Variants in SYT16 observed in about 807,000 individuals in gnomAD.
The protein encoded by SYT16 is synaptotagmin-16.
In SYT16, 42 loss-of-function variants were observed where a neutral mutation model predicts 61.4. The observed-to-expected ratio is 0.68, with a 90% CI of 0.53 to 0.89. The LOEUF is 0.89. Among genes scored for constraint, SYT16 ranks in the 40% least tolerant of loss-of-function variants. The pLI is 0.00. For missense variants in SYT16, 804 were observed against 807.3 expected (o/e 1.00, Z 0.05); for synonymous variants, 314 against 302.3 (o/e 1.04, Z -0.40).
chr14:62,041,011 CT>C (rs1202594052), intron 3 of SYT16, among the ~76,000 whole-genome samples: 1 of 152,142 alleles, frequency 6.6e-6, no homozygotes, highest in Non-Finnish European at 1.5e-5. Flanking sequence ...CGTCTGCAAG[CT>C]GAGGAGAAAG....
intron 1 of SYT16, among the ~76,000 whole-genome samples, chr14:61,845,583 CT>C (rs1192679260): frequency 6.6e-6 from 1 of 152,126 alleles, no homozygotes; most frequent in Admixed American, 6.6e-5. Context: ...GATCTTCTCT[CT>C]TTTTTCTTAG....
Position 61,877,587 on chromosome 14 carries a change from C to T in SYT16, c.-325+64777C>T, listed in dbSNP as rs193103586. On this transcript the variant is annotated intron_variant, in intron 1 of 7. Transcript: ENST00000683842. ...CTTAAAAGTCAGTCCCATTTTTCTCCTTAGCCCCTGCTAAAGAGTGCTGGA... is the reference window on the plus strand; with the variant it reads ...CTTAAAAGTCAGTCCCATTTTTCTCTTTAGCCCCTGCTAAAGAGTGCTGGA... 1.1e-3 allele frequency among the ~76,000 whole-genome samples: 166 copies of T among 152,272 alleles called. 1 individual carries two copies. The highest frequency in any genetic ancestry group is 3.7e-3 in the African/African-American group (153 of 41,564).
At chr14:61,952,909 A>AT (rs2050728595) in intron 1 of SYT16, among the ~76,000 whole-genome samples, 1 of 152,152 alleles carries the variant, frequency 6.6e-6, no homozygotes, top group Admixed American at 6.5e-5. Flanking sequence ...TTAAATATAT[A>AT]TTTTTTATAT....
At chr14:61,888,322 T>C (rs1020416929) in intron 1 of SYT16, among the ~76,000 whole-genome samples, 2 of 152,120 alleles carry the variant, frequency 1.3e-5, no homozygotes, top group African/African-American at 4.8e-5. Context: ...TTTGCCATAT[T>C]GGCCAGGCTG....
intron 1 of SYT16, among the ~76,000 whole-genome samples, chr14:61,862,255 G>A (rs79655868): frequency 6.6e-6 from 1 of 152,020 alleles, no homozygotes; most frequent in African/African-American, 2.4e-5. Flanking sequence ...TTCCCTTGTC[G>A]CCCATTGCAG....
intron 1 of SYT16, among the ~76,000 whole-genome samples, chr14:61,941,966 A>T (rs930857759): frequency 1.3e-5 from 2 of 152,244 alleles, no homozygotes; most frequent in African/African-American, 4.8e-5. Flanking sequence ...ATATATAAAA[A>T]AATATTACTC....
At chr14:61,864,769 C>A in intron 1 of SYT16, 2 of 939,008 alleles carry the variant, frequency 2.1e-6, no homozygotes, top group Non-Finnish European at 3.3e-6. Flanking sequence ...ATGTGGCTGG[C>A]CGGTTGGGCC....
intron 1 of SYT16, among the ~76,000 whole-genome samples, chr14:61,955,570 A>G (rs1246754862): frequency 6.6e-6 from 1 of 151,974 alleles, no homozygotes; most frequent in African/African-American, 2.4e-5. Context: ...GTCTTATTTT[A>G]CTTAGCATAA....
intron 1 of SYT16, among the ~76,000 whole-genome samples, chr14:61,865,569 G>T (rs982721674): frequency 3.3e-5 from 5 of 152,148 alleles, no homozygotes; most frequent in Non-Finnish European, 7.4e-5. Context: ...ATAGTCTGAT[G>T]GGAAAGATGT....
chr14:61,926,856 A>G (rs1007389177), intron 1 of SYT16, among the ~76,000 whole-genome samples: 6 of 152,180 alleles, frequency 3.9e-5, no homozygotes, highest in Non-Finnish European at 7.3e-5. Context: ...AGCTCCAGAG[A>G]TAAAAACTAC....
Position 61,909,814 on chromosome 14 carries a change from G to A in SYT16, c.-324-60318G>A, listed in dbSNP as rs541978337. 1.6e-4 allele frequency among the ~76,000 whole-genome samples: 25 copies of A among 152,280 alleles called. No individual in the cohort carries two copies. The East Asian group carries it at 4.6e-3, about 28-fold the overall frequency. ...TTTTCTTTACCAGAATATTTGTGGA[G>A]CCTTTAATCAAGAATGGCTATGGCA... On this transcript the variant is annotated intron_variant, in intron 1 of 7. Coordinates refer to ENST00000683842, the MANE Select transcript of SYT16 (RefSeq NM_001367656.1).
chr14:62,038,164 T>G (rs1490515992), intron 3 of SYT16, among the ~76,000 whole-genome samples: 2 of 151,644 alleles, frequency 1.3e-5, no homozygotes, highest in African/African-American at 4.8e-5. Flanking sequence ...TAGTTTCGCT[T>G]GCAGGCATCT....
At chr14:61,847,790 G>A (rs1311754642) in intron 1 of SYT16, among the ~76,000 whole-genome samples, 2 of 152,178 alleles carry the variant, frequency 1.3e-5, no homozygotes, top group South Asian at 2.1e-4. Flanking sequence ...CAAATAGCCT[G>A]TCTTCAAGCT....
intron 1 of SYT16, among the ~76,000 whole-genome samples, chr14:61,890,893 C>T (rs1003242745): frequency 6.6e-6 from 1 of 151,968 alleles, no homozygotes; most frequent in African/African-American, 2.4e-5. Context: ...GACTTTGTTC[C>T]CAGATGTCAT....
chr14:61,901,759 A>G (rs150163489), intron 1 of SYT16, among the ~76,000 whole-genome samples: 1 of 135,130 alleles, frequency 7.4e-6, no homozygotes, highest in South Asian at 2.2e-4. Context: ...TAATAATAAT[A>G]ATAATTATTA....
intron 3 of SYT16, among the ~76,000 whole-genome samples, chr14:62,060,685 T>G (rs1286690120): frequency 1.3e-5 from 2 of 152,032 alleles, no homozygotes; most frequent in Non-Finnish European, 2.9e-5. Flanking sequence ...GGTCATAATA[T>G]ATAATCCTTT....
chr14:61,947,109 G>A (rs1402862538), intron 1 of SYT16, among the ~76,000 whole-genome samples: 1 of 152,090 alleles, frequency 6.6e-6, no homozygotes, highest in East Asian at 1.9e-4. Flanking sequence ...AAGAGTGGAT[G>A]CTGTGATTCT....
chr14:61,851,934 T>C (rs1336407943), intron 1 of SYT16, among the ~76,000 whole-genome samples: 2 of 152,240 alleles, frequency 1.3e-5, no homozygotes, highest in African/African-American at 4.8e-5. Context: ...ATTTTTGCTT[T>C]CGTTGCAATT....
chr14:61,839,808 C>T (rs977227732), intron 1 of SYT16, among the ~76,000 whole-genome samples: 5 of 151,732 alleles, frequency 3.3e-5, no homozygotes, highest in African/African-American at 4.8e-5. Flanking sequence ...GGAAATGTGC[C>T]AGTTCCTCAG....
Sources: gnomAD v4.1 joint callset for allele counts (sites outside exome capture counted in the v4.1 genomes callset) on GRCh38, gnomAD v4.1.1 for gene constraint, MANE v1.5 for transcripts, NCBI Gene and HGNC (gene_info 2026-07-23, HGNC 2026-07-21) for gene names.